HMBOX1: variants seen among roughly 807,000 people sequenced by gnomAD.
HMBOX1 encodes the protein homeobox containing 1, also known as homeobox-containing protein 1.
HMBOX1 carries 14 observed loss-of-function variants against 54.5 expected under a neutral mutation model. That is an observed-to-expected ratio of 0.26 (90% CI 0.17 to 0.40). The LOEUF is 0.40. HMBOX1 is among the 10% of genes least tolerant of loss of function. HMBOX1 has a pLI of 1.00. For synonymous variants in HMBOX1, 160 were observed against 181.0 expected (o/e 0.88, Z 0.93); for missense variants, 332 against 514.4 (o/e 0.65, Z 3.43).
At chr8:28,962,249 TTTTTG>T (rs1825739366) in intron 1 of HMBOX1, among the ~76,000 whole-genome samples, 1 of 152,204 alleles carries the variant, frequency 6.6e-6, no homozygotes, top group Admixed American at 6.5e-5. Context: ...AACATTCCTT[TTTTTG>T]TAGAATATTT....
At chr8:28,995,850 C>T (rs1831734172) in intron 4 of HMBOX1, among the ~76,000 whole-genome samples, 1 of 152,158 alleles carries the variant, frequency 6.6e-6, no homozygotes, top group African/African-American at 2.4e-5. Context: ...CGCCTGTAAT[C>T]CCAGCACTTT....
intron 1 of HMBOX1, among the ~76,000 whole-genome samples, chr8:28,935,073 A>G (rs1328958984): frequency 6.6e-6 from 1 of 152,252 alleles, no homozygotes; most frequent in Non-Finnish European, 1.5e-5. Context: ...GTAAATGTAT[A>G]CAAGACCTGG....
At chr8:28,991,550 A>G (rs1830986451) in intron 4 of HMBOX1, among the ~76,000 whole-genome samples, 2 of 152,192 alleles carry the variant, frequency 1.3e-5, no homozygotes, top group South Asian at 2.1e-4. Flanking sequence ...CCAATATGAT[A>G]TTGCCCCAAG....
At chr8:29,009,612 G>A (rs1833965141) in intron 5 of HMBOX1, 2 of 1,174,172 alleles carry the variant, frequency 1.7e-6, no homozygotes, top group East Asian at 6.7e-5. Flanking sequence ...ACCATATCCA[G>A]TGATCTCTGC....
chr8:28,959,431 T>C (rs1188232095), intron 1 of HMBOX1, among the ~76,000 whole-genome samples: 3 of 152,184 alleles, frequency 2.0e-5, no homozygotes, highest in Non-Finnish European at 4.4e-5. Flanking sequence ...TTTTAAAACT[T>C]ATGAATTGTT....
intron 1 of HMBOX1, among the ~76,000 whole-genome samples, chr8:28,950,421 T>G (rs1823209115): frequency 6.6e-6 from 1 of 152,172 alleles, no homozygotes; most frequent in Non-Finnish European, 1.5e-5. Context: ...TGTAATTCAG[T>G]AAGAATGGAA....
chr8:29,006,051 G>A (rs2132793857), intron 4 of HMBOX1, among the ~76,000 whole-genome samples: 1 of 145,138 alleles, frequency 6.9e-6, no homozygotes, highest in South Asian at 2.2e-4. Context: ...GGAGTGCAGT[G>A]GCGCAATCTT....
intron 1 of HMBOX1, among the ~76,000 whole-genome samples, chr8:28,936,623 G>A (rs1017664532): frequency 3.3e-5 from 5 of 151,980 alleles, no homozygotes; most frequent in Non-Finnish European, 5.9e-5. Context: ...ATGATTTCAT[G>A]TCAAATGAGA....
Position 29,051,128 on chromosome 8 carries a change from C to T in HMBOX1, c.1236C>T (p.Ile412=), listed in dbSNP as rs762744699. The T allele has an allele frequency of 6.2e-7, 1 of 1,613,884 alleles. No individual in the cohort carries two copies. The highest frequency in any genetic ancestry group is 1.3e-5 in the African/African-American group (1 of 74,954). Residue 412 remains isoleucine (I), a synonymous_variant, in exon 10 of 10, where the codon ATC becomes ATT. Transcript: ENST00000287701. The part of the protein sequence containing the change: ...LALARQGANE[I]KTEALDDD The stretch of plus-strand genomic sequence containing the variant: ...TGGCCCGACAAGGAGCCAACGAAAT[C>T]AAGACAGAGGCCCTGGATGATGACT...
chr8:28,934,324 G>A (rs576816292), intron 1 of HMBOX1, among the ~76,000 whole-genome samples: 31 of 152,114 alleles, frequency 2.0e-4, no homozygotes, highest in Non-Finnish European at 3.8e-4. Context: ...AACTGATAGA[G>A]GGTTTCTACT....
At chr8:28,920,412 A>C (rs951002913) in intron 1 of HMBOX1, among the ~76,000 whole-genome samples, 1 of 152,232 alleles carries the variant, frequency 6.6e-6, no homozygotes, top group Non-Finnish European at 1.5e-5. Flanking sequence ...CTGAAGTTTA[A>C]ATATATTACA....
chr8:28,959,965 A>G (rs1825174691), intron 1 of HMBOX1, among the ~76,000 whole-genome samples: 2 of 151,884 alleles, frequency 1.3e-5, no homozygotes, highest in Admixed American at 6.5e-5. Context: ...TTTTCCCCCA[A>G]TACTATGGCT....
At chr8:28,942,588 T>C (rs140701534) in intron 1 of HMBOX1, among the ~76,000 whole-genome samples, 9 of 152,330 alleles carry the variant, frequency 5.9e-5, no homozygotes, top group African/African-American at 2.2e-4. Flanking sequence ...TAGTTATTTA[T>C]ATTGTTCCCT....
At chr8:29,015,021 G>T (rs1834800002) in intron 5 of HMBOX1, among the ~76,000 whole-genome samples, 1 of 152,006 alleles carries the variant, frequency 6.6e-6, no homozygotes, top group South Asian at 2.1e-4. Flanking sequence ...TTACTTTTCT[G>T]TCTTCTTTTT....
At chr8:28,937,536 A>T (rs1259793365) in intron 1 of HMBOX1, among the ~76,000 whole-genome samples, 3 of 152,208 alleles carry the variant, frequency 2.0e-5, no homozygotes, top group Admixed American at 6.5e-5. Flanking sequence ...TCTTCAATAC[A>T]ATCTTGGGAA....
chr8:28,898,416 T>G (rs978178021), intron 1 of HMBOX1, among the ~76,000 whole-genome samples: 5 of 152,246 alleles, frequency 3.3e-5, no homozygotes, highest in Admixed American at 2.6e-4. Flanking sequence ...TCTATTTGTC[T>G]TGGTGTACGT....
At chr8:28,980,029 C>A in intron 3 of HMBOX1, 42 bp from the exon 4 acceptor site, 2 of 1,396,302 alleles carry the variant, frequency 1.4e-6, no homozygotes, top group Non-Finnish European at 2.0e-6. Flanking sequence ...AGGATTTCTA[C>A]CTTCAACATA....
At chr8:28,991,173 G>T (rs1223503506) in intron 4 of HMBOX1, among the ~76,000 whole-genome samples, 3 of 152,078 alleles carry the variant, frequency 2.0e-5, no homozygotes, top group African/African-American at 7.2e-5. Flanking sequence ...TAGGGCTTGT[G>T]CCCTGTACTG....
chr8:28,918,779 C>T (rs1817031570), intron 1 of HMBOX1, among the ~76,000 whole-genome samples: 1 of 152,194 alleles, frequency 6.6e-6, no homozygotes, highest in Non-Finnish European at 1.5e-5. Flanking sequence ...GTAAGTATCA[C>T]TGTCATCAAT....
Sources: allele counts gnomAD v4.1 joint callset (sites outside exome capture counted in the v4.1 genomes callset), GRCh38; gene constraint gnomAD v4.1.1; transcripts MANE v1.5; gene names NCBI Gene and HGNC (gene_info 2026-07-23, HGNC 2026-07-21).